CATSPERD: variants seen among roughly 807,000 people sequenced by gnomAD.
CATSPERD encodes cation channel sperm-associated auxiliary subunit delta.
Under a neutral mutation model 98.1 loss-of-function variants are expected in CATSPERD, and 86 were observed. The observed-to-expected ratio is 0.88, with a 90% CI of 0.74 to 1.05. CATSPERD has a LOEUF of 1.05. CATSPERD is among the 50% of genes least tolerant of loss of function. The probability of loss-of-function intolerance (pLI) is 0.00; values close to 1 mark genes in which losing one functional copy is unlikely to be tolerated. For missense variants in CATSPERD, 995 were observed against 1,005.7 expected (o/e 0.99, Z 0.14); for synonymous variants, 394 against 390.2 (o/e 1.01, Z -0.12).
intron 8 of CATSPERD, among the ~76,000 whole-genome samples, chr19:5,745,621 A>AAAAAT (rs370829150): frequency 1.9e-4 from 29 of 152,138 alleles, no homozygotes; most frequent in East Asian, 7.7e-4. Flanking sequence ...ACTCCACCTC[A>AAAAAT]AAAATAAAAT....
intron 11 of CATSPERD, among the ~76,000 whole-genome samples, chr19:5,751,189 T>C (rs1342781440): frequency 3.3e-4 from 20 of 59,964 alleles, no homozygotes; most frequent in East Asian, 1.2e-3. Context: ...CAGAACAAGA[T>C]TCCGTCTCAA....
chr19:5,751,729 G>GTT lies in CATSPERD; in HGVS notation c.1071_1072insTT (p.Asp358LeufsTer15), dbSNP rs2056225339. 3.7e-6 allele frequency: 6 copies of GTT among 1,613,754 alleles called. No homozygotes were observed. Among genetic ancestry groups the GTT allele is most frequent in the Non-Finnish European group, 5.1e-6 (6 of 1,179,980 alleles). On this transcript the variant is annotated frameshift_variant, in exon 12 of 22. Transcript: ENST00000381624. LOFTEE classifies it high-confidence loss of function. ...ACTCTGGAAATACTGACCCCACTGC[G>GTT]TGACACAGCCTTTCCAGCTTTTGAT...
intron 4 of CATSPERD, among the ~76,000 whole-genome samples, chr19:5,732,648 G>A (rs1390059394): frequency 2.6e-5 from 4 of 151,656 alleles, no homozygotes; most frequent in Admixed American, 2.6e-4. Context: ...CAGCCAGGAT[G>A]GAAAATGGTG....
At chr19:5,753,990 CAG>C in intron 12 of CATSPERD, 140 bp from the exon 13 acceptor site, 6 of 644,206 alleles carry the variant, frequency 9.3e-6, no homozygotes, top group Middle Eastern at 3.7e-4. Flanking sequence ...TCTGGAAATA[CAG>C]AGTCTAGTGG....
chr19:5,778,296 C>G, intron 21 of CATSPERD, 80 bp from the exon 22 acceptor site: 1 of 1,325,450 alleles, frequency 7.5e-7, no homozygotes, highest in African/African-American at 1.4e-5. Context: ...TCCTGTGGGT[C>G]TGAACACCTT....
chr19:5,739,516 C>T (rs947616023), intron 7 of CATSPERD, 77 bp downstream of exon 7: 30 of 830,170 alleles, frequency 3.6e-5, no homozygotes, highest in African/African-American at 3.2e-4. Context: ...TCAATGGGTG[C>T]GTGAGGGTGT....
chr19:5,728,925 C>G (rs915536629), intron 3 of CATSPERD, among the ~76,000 whole-genome samples: 4 of 151,270 alleles, frequency 2.6e-5, no homozygotes, highest in African/African-American at 9.7e-5. Context: ...GTCTCGAACT[C>G]CTGACCTCAG....
intron 10 of CATSPERD, 29 bp from the exon 11 acceptor site, chr19:5,749,072 T>C: frequency 6.3e-7 from 1 of 1,590,076 alleles, no homozygotes; most frequent in Non-Finnish European, 8.6e-7. Context: ...CATTTCAATT[T>C]TTGTTTTGTC....
At chr19:5,722,383 C>G (rs551101029) in intron 1 of CATSPERD, among the ~76,000 whole-genome samples, 7 of 152,192 alleles carry the variant, frequency 4.6e-5, no homozygotes, top group African/African-American at 7.2e-5. Flanking sequence ...GGCCTCCCAA[C>G]GTGCTGGGCT....
intron 13 of CATSPERD, 148 bp downstream of exon 13, chr19:5,754,393 CTTTTT>C (rs749080620): frequency 2.7e-3 from 619 of 230,084 alleles, no homozygotes; most frequent in East Asian, 4.9e-3. Context: ...GTCTCTGTGT[CTTTTT>C]TTTTTTTTTT....
intron 17 of CATSPERD, 95 bp from the exon 18 acceptor site, chr19:5,768,073 G>A: frequency 8.9e-7 from 1 of 1,125,828 alleles, no homozygotes; most frequent in Non-Finnish European, 1.3e-6. Flanking sequence ...CTGGGCCTGA[G>A]CCACCACGCC....
At chr19:5,761,048 T>G (rs1185952614) in intron 15 of CATSPERD, among the ~76,000 whole-genome samples, 7 of 151,992 alleles carry the variant, frequency 4.6e-5, no homozygotes, top group African/African-American at 9.7e-5. Flanking sequence ...TTTTGTTTTT[T>G]TTTTTGAGAC....
chr19:5,722,733 C>G (rs1306752524), intron 1 of CATSPERD, among the ~76,000 whole-genome samples: 3 of 140,034 alleles, frequency 2.1e-5, no homozygotes, highest in African/African-American at 5.0e-5. Flanking sequence ...TATCAAGACC[C>G]CCCCCCCCGC....
intron 14 of CATSPERD, among the ~76,000 whole-genome samples, chr19:5,758,798 C>T (rs1341073860): frequency 6.6e-6 from 1 of 151,348 alleles, no homozygotes; most frequent in Non-Finnish European, 1.5e-5. Flanking sequence ...GTAACGCTCA[C>T]CTGTAGTTCC....
chr19:5,755,252 A>C (rs907208234), intron 13 of CATSPERD, among the ~76,000 whole-genome samples: 8 of 152,110 alleles, frequency 5.3e-5, no homozygotes, highest in African/African-American at 1.9e-4. Flanking sequence ...TCTCGATCCA[A>C]AATCCAAGTG....
At chr19:5,759,196 T>G in intron 15 of CATSPERD, 52 bp downstream of exon 15, 1 of 1,538,028 alleles carries the variant, frequency 6.5e-7, no homozygotes, top group South Asian at 1.1e-5. Context: ...AGGGGTTTCC[T>G]TAGCAGGAGC....
In CATSPERD at chr19:5,778,589, C is replaced by T. The variant is rs1479220914; in HGVS notation, c.2310C>T (p.Cys770=). 6.2e-6 allele frequency: 10 copies of T among 1,613,664 alleles called. No homozygotes were observed. Among genetic ancestry groups the T allele is most frequent in the Non-Finnish European group, 1.7e-6 (2 of 1,180,036 alleles). The change falls in exon 22 of 22, where the codon TGC becomes TGT. Residue 770 remains cysteine (C), a synonymous_variant. Transcript: ENST00000381624. The stretch of plus-strand genomic sequence containing the variant: ...TGTGTAGGAGATGCAAGACGGTCTG[C>T]CAGTTCAGGGCCTCAGCCACAGCCA... ...TQLCRRCKTV[C]QFRASATARA... is the part of the protein sequence containing the mutation.
intron 18 of CATSPERD, among the ~76,000 whole-genome samples, chr19:5,768,703 A>G (rs1262812148): frequency 6.6e-6 from 1 of 152,110 alleles, no homozygotes; most frequent in Admixed American, 6.6e-5. Flanking sequence ...ATGCGATCAT[A>G]GCTCACCACA....
intron 21 of CATSPERD, 34 bp from the exon 22 acceptor site, chr19:5,778,342 C>A: frequency 6.4e-7 from 1 of 1,568,410 alleles, no homozygotes; most frequent in South Asian, 1.2e-5. Context: ...AAAGGCAATG[C>A]CCAACAGCCT....
Sources: gnomAD v4.1 joint callset for allele counts (sites outside exome capture counted in the v4.1 genomes callset) on GRCh38, gnomAD v4.1.1 for gene constraint, MANE v1.5 for transcripts, NCBI Gene and HGNC (gene_info 2026-07-23, HGNC 2026-07-21) for gene names.